WDR37: variants seen among roughly 807,000 people sequenced by gnomAD.
WDR37 encodes WD repeat domain 37, also known as WD repeat-containing protein 37.
A neutral mutation model predicts 62.9 loss-of-function variants in WDR37; 19 were observed. That is an observed-to-expected ratio of 0.30 (90% confidence interval 0.21 to 0.44). The LOEUF (loss-of-function observed/expected upper bound fraction) is 0.44, where lower values mean the gene tolerates loss of function less well. WDR37 is among the 20% of genes least tolerant of loss of function. WDR37 has a pLI of 1.00. For missense variants in WDR37, 474 were observed against 657.6 expected (o/e 0.72, Z 3.05); for synonymous variants, 250 against 260.9 (o/e 0.96, Z 0.40).
intron 1 of WDR37, among the ~76,000 whole-genome samples, chr10:1,061,605 C>T (rs887418248): frequency 2.0e-5 from 3 of 152,108 alleles, no homozygotes; most frequent in Admixed American, 6.6e-5. Flanking sequence ...TTTGGGAGGC[C>T]GAGCTGGGCA....
intron 11 of WDR37, among the ~76,000 whole-genome samples, chr10:1,114,573 T>C (rs1354938777): frequency 6.6e-6 from 1 of 152,264 alleles, no homozygotes; most frequent in Non-Finnish European, 1.5e-5. Flanking sequence ...ATGGTGTGGC[T>C]ATGGCTTCTG....
In WDR37 at chr10:1,087,693, T is replaced by C. The variant is rs115399291; in HGVS notation, c.604+1336T>C. 5.2e-3 allele frequency among the ~76,000 whole-genome samples: 794 copies of C among 152,322 alleles called. 3 individuals are homozygous for C. Among genetic ancestry groups the C allele is most frequent in the African/African-American group, 0.017 (698 of 41,576 alleles). Reference sequence around the variant, plus strand: ...CATCCATGCTTTGTTGTTCCATTTATGGAGGACAGGTAGAGGAGATGTAGC... The same window carrying C: ...CATCCATGCTTTGTTGTTCCATTTACGGAGGACAGGTAGAGGAGATGTAGC... On this transcript the variant is annotated intron_variant, in intron 7 of 13. Transcript: ENST00000263150.
chr10:1,117,552 T>C (rs959399828), intron 11 of WDR37, among the ~76,000 whole-genome samples: 20 of 152,228 alleles, frequency 1.3e-4, no homozygotes, highest in African/African-American at 4.8e-4. Context: ...CCTGTCAGAT[T>C]CTGTCACTTT....
At chr10:1,112,496 C>T (rs995896069) in intron 11 of WDR37, among the ~76,000 whole-genome samples, 4 of 152,124 alleles carry the variant, frequency 2.6e-5, no homozygotes, top group Non-Finnish European at 4.4e-5. Flanking sequence ...TGAAGAGTTG[C>T]GTGTCCCTCA....
intron 13 of WDR37, among the ~76,000 whole-genome samples, chr10:1,125,993 T>C (rs2131696154): frequency 6.6e-6 from 1 of 152,224 alleles, no homozygotes; most frequent in East Asian, 1.9e-4. Context: ...GGGGCCCGTG[T>C]TCAGATTCCC....
intron 7 of WDR37, among the ~76,000 whole-genome samples, chr10:1,086,937 G>A (rs986001507): frequency 6.6e-6 from 1 of 152,192 alleles, no homozygotes; most frequent in African/African-American, 2.4e-5. Context: ...TTCCCCCGCA[G>A]TGCCCTCTTC....
chr10:1,056,693 G>A lies in WDR37; in HGVS notation c.-316G>A, dbSNP rs192951174. 410 of 152,448 alleles carry A rather than the reference G, an allele frequency of 2.7e-3. No homozygotes were observed. The highest frequency in any genetic ancestry group is 4.4e-3 in the Non-Finnish European group (297 of 68,108). 9.4% of individuals were successfully genotyped at this position (152,448 alleles called of 1,614,324 possible). A position where few individuals can be genotyped will look rare whatever the true frequency, so the allele number is the denominator to read the frequency against. On this transcript the variant is annotated 5_prime_UTR_variant, in exon 1 of 14. Coordinates refer to ENST00000263150, the MANE Select transcript of WDR37 (RefSeq NM_014023.4). ...GCGCGCCCAGACCCCTCGGGGCTGC[G>A]GGGCGGAAGCCGGGGCGTGACTTCC...
At chr10:1,090,174 T>G (rs1285355963) in intron 7 of WDR37, among the ~76,000 whole-genome samples, 1 of 152,144 alleles carries the variant, frequency 6.6e-6, no homozygotes, top group Non-Finnish European at 1.5e-5. Flanking sequence ...TTAATTTATT[T>G]TTTGAGATGG....
chr10:1,114,791 A>G (rs904635665), intron 11 of WDR37, among the ~76,000 whole-genome samples: 1 of 152,256 alleles, frequency 6.6e-6, no homozygotes, highest in Non-Finnish European at 1.5e-5. Flanking sequence ...GTGTAATTCC[A>G]TAAGTCTGGC....
chr10:1,083,354 C>G (rs918519965), intron 5 of WDR37, among the ~76,000 whole-genome samples: 2 of 152,090 alleles, frequency 1.3e-5, no homozygotes, highest in Admixed American at 1.3e-4. Flanking sequence ...TCACTGTATC[C>G]GAGGAGAATA....
At chr10:1,093,386 C>G in intron 7 of WDR37, 66 bp from the exon 8 acceptor site, 1 of 1,269,996 alleles carries the variant, frequency 7.9e-7, no homozygotes, top group South Asian at 1.3e-5. Context: ...CACGCTATAG[C>G]TAATAAATGT....
rs186704646 is a variant in WDR37 at position 1,105,400 on chromosome 10, A to C, written c.1103+133A>C. 83 of 1,186,944 alleles carry C rather than the reference A, an allele frequency of 7.0e-5. No homozygotes were observed. The East Asian group carries it at 2.0e-3, about 29-fold the overall frequency. 73.5% of individuals were successfully genotyped at this position (1,186,944 alleles called of 1,614,324 possible). A position where few individuals can be genotyped will look rare whatever the true frequency, so the allele number is the denominator to read the frequency against. On this transcript the variant is annotated intron_variant, in intron 11 of 13. Coordinates refer to ENST00000263150, the MANE Select transcript of WDR37 (RefSeq NM_014023.4). This position sits in a 1 kb window ranked among gnomAD's most constrained non-coding sequence, Gnocchi z 5.3. ...CTTTCAAAAAAATAACTACCTTTCA[A>C]ATTCTGCTATTCTTTTTCTAAACAT...
At position 1,124,281 on chromosome 10, in the gene WDR37, G is replaced by C. The variant is rs145245986; in HGVS notation, c.1167G>C (p.Thr389=). ...DNVVSGSDDR[T]VKVWDLKNMR... Reference sequence around the variant, plus strand: ...TGGTTTCAGGCAGCGATGACCGCACGGTGAAAGTCTGGGACTTGAAAAATA... The same window carrying C: ...TGGTTTCAGGCAGCGATGACCGCACCGTGAAAGTCTGGGACTTGAAAAATA... The change falls in exon 12 of 14, where the codon ACG becomes ACC. Residue 389 remains threonine, a synonymous_variant. Transcript: ENST00000263150. The C allele has an allele frequency of 5.6e-6, 9 of 1,614,198 alleles. No individual in the cohort carries two copies. In the East Asian group the frequency reaches 1.8e-4, roughly 32 times the overall value.
chr10:1,095,442 G>C (rs1047942131), intron 8 of WDR37, among the ~76,000 whole-genome samples: 1 of 152,158 alleles, frequency 6.6e-6, no homozygotes, highest in Admixed American at 6.5e-5. Flanking sequence ...GTTAGACTGG[G>C]ATTGGGCATG....
rs967971597 is a variant in WDR37 at position 1,131,784 on chromosome 10, G to A, written c.*2440G>A. On this transcript the variant is annotated 3_prime_UTR_variant, in exon 14 of 14. Transcript: ENST00000263150. Reference sequence around the variant, plus strand: ...CTCGTCTGAAACAGTGTTTGGAAGTGGGAACAGTTTTGTCCTGTATGCTGA... The same window carrying A: ...CTCGTCTGAAACAGTGTTTGGAAGTAGGAACAGTTTTGTCCTGTATGCTGA... 6.6e-6 allele frequency: 1 copy of A among 152,254 alleles called. No homozygotes were observed. Among genetic ancestry groups the A allele is most frequent in the African/African-American group, 2.4e-5 (1 of 41,440 alleles). 9.4% of individuals were successfully genotyped at this position (152,254 alleles called of 1,614,324 possible). A position where few individuals can be genotyped will look rare whatever the true frequency, so the allele number is the denominator to read the frequency against.
intron 13 of WDR37, among the ~76,000 whole-genome samples, chr10:1,126,090 C>T (rs1835736145): frequency 6.6e-6 from 1 of 152,170 alleles, no homozygotes; most frequent in South Asian, 2.1e-4. Flanking sequence ...GTCACAGGGT[C>T]AGCTGCGATG....
At chr10:1,085,626 CT>C (rs1404074133) in intron 6 of WDR37, among the ~76,000 whole-genome samples, 2 of 152,326 alleles carry the variant, frequency 1.3e-5, no homozygotes, top group East Asian at 3.9e-4. Context: ...CTGGACTCTG[CT>C]TTTTAGAGGC....
Position 1,086,339 on chromosome 10 carries a change from G to T in WDR37, c.586G>T (p.Ala196Ser). Residue 196 changes from alanine (A) to serine (S), a missense_variant, in exon 7 of 14, where the codon GCA (alanine) becomes TCA (serine). By Grantham distance (99) the Ala-to-Ser change is moderately conservative (BLOSUM62 1). Coordinates refer to ENST00000263150, the MANE Select transcript of WDR37 (RefSeq NM_014023.4). ...GACAGGGAAGTGCCTAGTCAAGTAC[G>T]CAGGCCACGTGGGCTCAGGTAAGCA... ...IETGKCLVKY[A>S]GHVGSVNSIK... The T allele has an allele frequency of 6.2e-7, 1 of 1,614,028 alleles. No individual in the cohort carries two copies. The highest frequency in any genetic ancestry group is 8.5e-7 in the Non-Finnish European group (1 of 1,179,924).
At position 1,129,632 on chromosome 10, in the gene WDR37, A is replaced by G. The variant is rs1835912589; in HGVS notation, c.*288A>G. On this transcript the variant is annotated 3_prime_UTR_variant, in exon 14 of 14. Coordinates refer to ENST00000263150, the MANE Select transcript of WDR37 (RefSeq NM_014023.4). ...AATGCTTGTGAGTTGTTGACATTGG[A>G]CAGGTGAACAGTAGGGCATTACATT... 3.2e-6 allele frequency: 1 copy of G among 313,718 alleles called. No individual in the cohort carries two copies. Among genetic ancestry groups the G allele is most frequent in the South Asian group, 4.3e-5 (1 of 23,128 alleles). The allele number at this position is 313,718 out of a possible 1,614,324, so 19.4% of individuals were successfully genotyped here.
Sources: allele counts gnomAD v4.1 joint callset (sites outside exome capture counted in the v4.1 genomes callset), GRCh38; gene constraint gnomAD v4.1.1; non-coding constraint Gnocchi (gnomAD v3.1); transcripts MANE v1.5; gene names NCBI Gene and HGNC (gene_info 2026-07-23, HGNC 2026-07-21).